Variants in IL1RAPL1 observed in about 807,000 individuals in gnomAD.
IL1RAPL1 encodes interleukin-1 receptor accessory protein-like 1.
A neutral mutation model predicts 48.4 loss-of-function variants in IL1RAPL1; 3 were observed. That is an observed-to-expected ratio of 0.06 (90% CI 0.03 to 0.16). The LOEUF (loss-of-function observed/expected upper bound fraction) is 0.16. IL1RAPL1 is among the 10% of genes least tolerant of loss of function. The probability of loss-of-function intolerance (pLI) is 1.00; values close to 1 mark genes in which losing one functional copy is unlikely to be tolerated. For synonymous variants in IL1RAPL1, 185 were observed against 187.7 expected (o/e 0.99, Z 0.12); for missense variants, 349 against 530.6 (o/e 0.66, Z 3.36).
chrX:29,472,170 A>G, intron 5 of IL1RAPL1, among the ~76,000 whole-genome samples: 1 of 111,782 alleles, frequency 8.9e-6, no homozygotes, highest in Admixed American at 9.5e-5. Context: ...TTTTCAGTGT[A>G]TGTTGCTACC....
chrX:29,252,468 C>G (rs1264275709), intron 2 of IL1RAPL1, among the ~76,000 whole-genome samples: 1 of 113,879 alleles, frequency 8.8e-6, no homozygotes, highest in East Asian at 2.7e-4. Context: ...AGCAAGTATA[C>G]CAATTATTTA....
intron 1 of IL1RAPL1, among the ~76,000 whole-genome samples, chrX:28,722,220 T>C (rs1009474679): frequency 2.7e-5 from 3 of 111,694 alleles, no homozygotes; most frequent in Admixed American, 1.9e-4. Flanking sequence ...ATTCTTCCTA[T>C]CCATGAGCAT....
At chrX:28,607,050 C>T (rs1569137190) in intron 1 of IL1RAPL1, among the ~76,000 whole-genome samples, 1 of 109,626 alleles carries the variant, frequency 9.1e-6, no homozygotes, top group Non-Finnish European at 1.9e-5. Flanking sequence ...TAAATCAAAA[C>T]AAAAAGTATT....
At chrX:29,914,535 A>T (rs1457355396) in intron 6 of IL1RAPL1, among the ~76,000 whole-genome samples, 1 of 111,653 alleles carries the variant, frequency 9.0e-6, no homozygotes, top group Non-Finnish European at 1.9e-5. Flanking sequence ...TGGTCTTATA[A>T]AAGACAGTAT....
At chrX:29,503,433 G>A (rs902336126) in intron 5 of IL1RAPL1, among the ~76,000 whole-genome samples, 1 of 110,612 alleles carries the variant, frequency 9.0e-6, no homozygotes, top group African/African-American at 3.3e-5. Flanking sequence ...TCCGTGAGGT[G>A]CATTGTTAAG....
At chrX:29,367,552 T>TTATA (rs758434894) in intron 3 of IL1RAPL1, among the ~76,000 whole-genome samples, 1 of 98,515 alleles carries the variant, frequency 1.0e-5, no homozygotes, top group South Asian at 4.9e-4. Context: ...TTCTATTTAT[T>TTATA]TTTATTTATT....
At chrX:29,343,719 G>T (rs900355247) in intron 3 of IL1RAPL1, among the ~76,000 whole-genome samples, 3 of 78,696 alleles carry the variant, frequency 3.8e-5, no homozygotes, top group Non-Finnish European at 7.7e-5. Context: ...TATGAGAAAA[G>T]ATTGATTTGT....
In IL1RAPL1 at chrX:29,041,789, G is replaced by T. The variant is rs1027909467; in HGVS notation, c.83-241149G>T. On this transcript the variant is annotated intron_variant, in intron 2 of 10. Coordinates refer to ENST00000378993, the MANE Select transcript of IL1RAPL1 (RefSeq NM_014271.4). ...GTTTTATGATAACAGTATGTTTCCA[G>T]TACAGTATAATTGTTGTCACAATGA... is the stretch of plus-strand genomic sequence containing the variant. Among the ~76,000 whole-genome samples, 6 of 112,197 alleles carry T rather than the reference G, an allele frequency of 5.3e-5. No homozygotes were observed. In the East Asian group the frequency reaches 1.7e-3, roughly 31 times the overall value.
Position 29,159,354 on chromosome X carries a change from A to G in IL1RAPL1, c.83-123584A>G, listed in dbSNP as rs966774299. ...TGGATAAATTGTTATGTGGCATGTC[A>G]TCATTCTAATATTCAGTTTACATGA... is the stretch of plus-strand genomic sequence containing the variant. On this transcript the variant is annotated intron_variant, in intron 2 of 10. Transcript: ENST00000378993. Among the ~76,000 whole-genome samples the G allele has an allele frequency of 3.6e-5, 4 of 111,337 alleles. No individual in the cohort carries two copies. In the South Asian group the frequency reaches 1.5e-3, roughly 41 times the overall value.
intron 6 of IL1RAPL1, among the ~76,000 whole-genome samples, chrX:29,864,214 T>G (rs1375603445): frequency 8.9e-6 from 1 of 112,606 alleles, no homozygotes; most frequent in Non-Finnish European, 1.9e-5. Context: ...ATATTAATAG[T>G]GTTAGGCCGA....
At chrX:29,803,222 C>CACATGT (rs1930094113) in intron 6 of IL1RAPL1, among the ~76,000 whole-genome samples, 1 of 33,783 alleles carries the variant, frequency 3.0e-5, no homozygotes, top group Admixed American at 2.6e-4. Context: ...TATATGTATA[C>CACATGT]ATATACACAC....
intron 2 of IL1RAPL1, among the ~76,000 whole-genome samples, chrX:29,063,056 T>A (rs1357330685): frequency 9.0e-6 from 1 of 111,396 alleles, no homozygotes; most frequent in Non-Finnish European, 1.9e-5. Flanking sequence ...TCTTCTCTTA[T>A]TTTTCTTCAT....
intron 1 of IL1RAPL1, among the ~76,000 whole-genome samples, chrX:28,766,290 A>C (rs1398942608): frequency 9.0e-6 from 1 of 111,326 alleles, no homozygotes. Flanking sequence ...AATATCTAGA[A>C]AATAGAAATC....
At chrX:28,649,752 T>C (rs1348295413) in intron 1 of IL1RAPL1, among the ~76,000 whole-genome samples, 1 of 112,288 alleles carries the variant, frequency 8.9e-6, no homozygotes. Context: ...TTGAGTCACT[T>C]CAGGGTGATG....
chrX:28,907,341 G>A (rs1923244336), intron 2 of IL1RAPL1, among the ~76,000 whole-genome samples: 1 of 111,697 alleles, frequency 9.0e-6, no homozygotes, highest in Non-Finnish European at 1.9e-5. Context: ...TGCAACCTCT[G>A]CCTCCCGGGT....
chrX:29,292,237 GA>G (rs1315228705), intron 3 of IL1RAPL1, among the ~76,000 whole-genome samples: 1 of 111,826 alleles, frequency 8.9e-6, no homozygotes, highest in Middle Eastern at 4.7e-3. Flanking sequence ...TTTTCCATAA[GA>G]AAATAAAATA....
chrX:29,748,262 A>G (rs1235853073), intron 6 of IL1RAPL1, among the ~76,000 whole-genome samples: 1 of 112,284 alleles, frequency 8.9e-6, no homozygotes, highest in Non-Finnish European at 1.9e-5. Context: ...CAAAAAGCAC[A>G]TTTGATCATC....
At chrX:29,130,113 A>T (rs1447660961) in intron 2 of IL1RAPL1, among the ~76,000 whole-genome samples, 1 of 111,703 alleles carries the variant, frequency 9.0e-6, no homozygotes, top group Non-Finnish European at 1.9e-5. Flanking sequence ...ACGAGGGATG[A>T]TACAAAGACA....
At chrX:28,749,415 A>C (rs1936013564) in intron 1 of IL1RAPL1, among the ~76,000 whole-genome samples, 1 of 111,828 alleles carries the variant, frequency 8.9e-6, no homozygotes. Context: ...CCAAATGCTC[A>C]CCAACACTTC....
Sources: allele counts gnomAD v4.1 joint callset (sites outside exome capture counted in the v4.1 genomes callset), GRCh38; gene constraint gnomAD v4.1.1; transcripts MANE v1.5; gene names NCBI Gene and HGNC (gene_info 2026-07-23, HGNC 2026-07-21).